Variants in CNTN2 observed in about 807,000 individuals in gnomAD.
CNTN2 encodes the protein contactin-2.
Under a neutral mutation model 117.5 loss-of-function variants are expected in CNTN2, and 53 were observed. The ratio of observed to expected loss-of-function variants is 0.45; its 90% confidence interval spans 0.36 to 0.57. The LOEUF (loss-of-function observed/expected upper bound fraction) is 0.57, where lower values mean the gene tolerates loss of function less well. Ranked by LOEUF, CNTN2 falls within the 20% of genes least tolerant of loss-of-function variation. The pLI is 0.00. For synonymous variants in CNTN2, 530 were observed against 561.7 expected (o/e 0.94, Z 0.80); for missense variants, 1,106 against 1,404.3 (o/e 0.79, Z 3.39).
Position 205,073,471 on chromosome 1 carries a change from AC to A in CNTN2, c.3014-183del. On this transcript the variant is annotated intron_variant, in intron 22 of 22. Coordinates refer to ENST00000331830, the MANE Select transcript of CNTN2 (RefSeq NM_005076.5). This position sits in a 1 kb window ranked among gnomAD's most constrained non-coding sequence, Gnocchi z 6.3. ...CGCAGGGTGCAGGGGGAGGCTGAGG[AC>A]CAACCAGCAATAGCAAACGGCCTAC... 1 of 720,820 alleles carries A rather than the reference AC, an allele frequency of 1.4e-6. No individual in the cohort carries two copies. The highest frequency in any genetic ancestry group is 2.3e-6 in the Non-Finnish European group (1 of 437,284). 44.7% of individuals were successfully genotyped at this position (720,820 alleles called of 1,614,324 possible). A position where few individuals can be genotyped will look rare whatever the true frequency, so the allele number is the denominator to read the frequency against.
intron 1 of CNTN2, among the ~76,000 whole-genome samples, chr1:205,043,978 G>A (rs925328713): frequency 3.3e-5 from 5 of 152,174 alleles, no homozygotes; most frequent in Admixed American, 6.5e-5. Flanking sequence ...ACTGGGACTC[G>A]GGGAGGAGAG....
At chr1:205,051,575 G>A (rs3767287) in intron 1 of CNTN2, among the ~76,000 whole-genome samples, 2,770 of 152,222 alleles carry the variant, frequency 0.018, 50 homozygotes, top group East Asian at 0.043. Flanking sequence ...GTGGATATGA[G>A]GCTGCAGTCG....
intron 7 of CNTN2, chr1:205,060,959 G>A (rs1335109713): frequency 5.2e-6 from 2 of 381,240 alleles, no homozygotes; most frequent in Non-Finnish European, 9.5e-6. Context: ...GGAGAGGGCA[G>A]GCCAGCTTCA....
rs547562063 is a variant in CNTN2 at position 205,054,330 on chromosome 1, C to G, written c.70+1075C>G. On this transcript the variant is annotated intron_variant, in intron 2 of 22. Transcript: ENST00000331830. Reference sequence around the variant, plus strand: ...CTTTCAGACGTTCTCATTCTGTCCTCACTGCTTCCCAGTCCTGCAGCTCAG... The same window carrying G: ...CTTTCAGACGTTCTCATTCTGTCCTGACTGCTTCCCAGTCCTGCAGCTCAG... 3.3e-3 allele frequency among the ~76,000 whole-genome samples: 497 copies of G among 152,338 alleles called. 2 individuals carry two copies. Among genetic ancestry groups the G allele is most frequent in the African/African-American group, 0.011 (458 of 41,568 alleles).
chr1:205,065,810 A>G lies in CNTN2; in HGVS notation c.1717A>G (p.Thr573Ala), dbSNP rs1487090092. The G allele has an allele frequency of 2.0e-6, 3 of 1,530,998 alleles. No individual in the cohort carries two copies. 94.8% of individuals were successfully genotyped at this position (1,530,998 alleles called of 1,614,324 possible). The part of the protein sequence containing the change: ...TNVKETIGDL[T>A]ILNAQLRHGG... Reference sequence around the variant, plus strand: ...GCAGAAGGAGACCATTGGGGATCTGACCATCCTGAACGCCCAGCTGCGCCA... The same window carrying G: ...GCAGAAGGAGACCATTGGGGATCTGGCCATCCTGAACGCCCAGCTGCGCCA... The change falls in exon 14 of 23, where the codon ACC (threonine) becomes GCC (alanine). Residue 573 changes from threonine (T) to alanine (A), a missense_variant. Coordinates refer to ENST00000331830, the MANE Select transcript of CNTN2 (RefSeq NM_005076.5). This position sits in a 1 kb window ranked among gnomAD's most constrained non-coding sequence, Gnocchi z 4.1.
intron 1 of CNTN2, among the ~76,000 whole-genome samples, chr1:205,044,510 G>T (rs2096437967): frequency 6.6e-6 from 1 of 151,974 alleles, no homozygotes; most frequent in Admixed American, 6.6e-5. Context: ...GCATGCCATG[G>T]CCCCAGCCCT....
chr1:205,067,964 A>G (rs1654393118), intron 16 of CNTN2: 1 of 154,868 alleles, frequency 6.5e-6, no homozygotes, highest in African/African-American at 2.4e-5. Context: ...AAGAAAGAAA[A>G]AAAGGAAATC....
rs534940586 is a variant in CNTN2 at position 205,074,828 on chromosome 1, G to A, written c.*1063G>A. 63 of 398,668 alleles carry A rather than the reference G, an allele frequency of 1.6e-4. No individual in the cohort carries two copies. The Admixed American group carries it at 2.4e-3, about 15-fold the overall frequency. The allele number at this position is 398,668 out of a possible 1,614,324, so 24.7% of individuals were successfully genotyped here. A position where few individuals can be genotyped will look rare whatever the true frequency, so the allele number is the denominator to read the frequency against. ...TTGGGAGGTTTCTGGGAAGGGCAGA[G>A]GATAAATGTGGCCCTGCCTGCTCCC... On this transcript the variant is annotated 3_prime_UTR_variant, in exon 23 of 23. Transcript: ENST00000331830.
chr1:205,061,391 ACAC>A lies in CNTN2; in HGVS notation c.946_948del (p.Thr316del). ...GAGGCGGAGAACTCCAAGGGCCGAG[ACAC>A]CGTGCAGGGCCGCATCATCGTGCAG... On this transcript the variant is annotated inframe_deletion, in exon 8 of 23. Coordinates refer to ENST00000331830, the MANE Select transcript of CNTN2 (RefSeq NM_005076.5). This position sits in a 1 kb window ranked among gnomAD's most constrained non-coding sequence, Gnocchi z 4.8. 6.2e-7 allele frequency: 1 copy of A among 1,613,270 alleles called. No homozygotes were observed. The highest frequency in any genetic ancestry group is 8.5e-7 in the Non-Finnish European group (1 of 1,179,666).
chr1:205,062,412 C>T (rs372410577), intron 9 of CNTN2, 28 bp from the exon 10 acceptor site: 5 of 1,598,666 alleles, frequency 3.1e-6, no homozygotes, highest in African/African-American at 2.7e-5. Context: ...GGTCCTGATC[C>T]CCCTGGGCTC....
chr1:205,054,405 A>T (rs2096457761), intron 2 of CNTN2, among the ~76,000 whole-genome samples: 1 of 152,182 alleles, frequency 6.6e-6, no homozygotes, highest in African/African-American at 2.4e-5. Context: ...GGGGCGAGCC[A>T]TCCAGCCCCC....
At chr1:205,066,402 C>T (rs957216616) in intron 14 of CNTN2, 39 bp from the exon 15 acceptor site, 4 of 1,602,284 alleles carry the variant, frequency 2.5e-6, no homozygotes, top group Non-Finnish European at 1.7e-6. Context: ...TTGGAAGCTG[C>T]CCAATTCTGA....
Position 205,058,849 on chromosome 1 carries a change from G to A in CNTN2, c.487+186G>A. ...CTGTCACTTTCCATCGTTGTGCCCT[G>A]CTTCCGCCTTCAAACTGGGTGGCCC... On this transcript the variant is annotated intron_variant, in intron 5 of 22. Transcript: ENST00000331830. This position sits in a 1 kb window ranked among gnomAD's most constrained non-coding sequence, Gnocchi z 4.3. The A allele has an allele frequency of 1.5e-6, 1 of 666,312 alleles. No homozygotes were observed. The highest frequency in any genetic ancestry group is 2.5e-6 in the Non-Finnish European group (1 of 395,086). 41.3% of individuals were successfully genotyped at this position (666,312 alleles called of 1,614,324 possible).
chr1:205,051,509 G>C (rs548744590), intron 1 of CNTN2, among the ~76,000 whole-genome samples: 4 of 152,282 alleles, frequency 2.6e-5, no homozygotes, highest in African/African-American at 9.6e-5. Context: ...CAAGGACAGG[G>C]AGGGGCAGGT....
chr1:205,056,034 G>A (rs1024789856), intron 2 of CNTN2, among the ~76,000 whole-genome samples: 3 of 152,156 alleles, frequency 2.0e-5, no homozygotes, highest in African/African-American at 2.4e-5. Context: ...GCATATGTAC[G>A]AATGTGTGTA....
rs1031591150 is a variant in CNTN2, at chr1:205,064,848, T to C, written c.1519+98T>C. On this transcript the variant is annotated intron_variant, in intron 12 of 22. Transcript: ENST00000331830. The stretch of plus-strand genomic sequence containing the variant: ...TGTGTCCACATTGCTCCTAGTTTGG[T>C]GTCAAGGCCACCCCAGGATTCAGTT... The C allele has an allele frequency of 2.0e-6, 3 of 1,523,462 alleles. No homozygotes were observed. In the African/African-American group the frequency reaches 4.1e-5, roughly 21 times the overall value. 94.4% of individuals were successfully genotyped at this position (1,523,462 alleles called of 1,614,324 possible).
At chr1:205,054,758 C>A (rs2096458376) in intron 2 of CNTN2, among the ~76,000 whole-genome samples, 1 of 152,162 alleles carries the variant, frequency 6.6e-6, no homozygotes, top group East Asian at 1.9e-4. Flanking sequence ...CAGCTCTGGG[C>A]CTTTCTTGCT....
rs1454789692 is a variant in CNTN2, at chr1:205,073,627, C to T, written c.3014-29C>T. ...GGGTGGGGCTAGGGTAGTCCCAGGC[C>T]CAGCTGACTCAGCTTGTGCTGGTTT... On this transcript the variant is annotated intron_variant, in intron 22 of 22. Coordinates refer to ENST00000331830, the MANE Select transcript of CNTN2 (RefSeq NM_005076.5). This position sits in a 1 kb window ranked among gnomAD's most constrained non-coding sequence, Gnocchi z 6.3. The T allele has an allele frequency of 6.2e-7, 1 of 1,603,828 alleles. No individual in the cohort carries two copies. The highest frequency in any genetic ancestry group is 1.1e-5 in the South Asian group (1 of 90,676).
rs751901156 is a variant in CNTN2 at position 205,074,521 on chromosome 1, C to T, written c.*756C>T. On this transcript the variant is annotated 3_prime_UTR_variant, in exon 23 of 23. Transcript: ENST00000331830. The stretch of plus-strand genomic sequence containing the variant: ...ACCCAGGTGACGATGCCCTCTCAGC[C>T]AACACTGCCAACCTGACCCTGTCAT... The T allele has an allele frequency of 2.5e-6, 1 of 398,160 alleles. No homozygotes were observed. The highest frequency in any genetic ancestry group is 4.4e-6 in the Non-Finnish European group (1 of 226,126). The allele number at this position is 398,160 out of a possible 1,614,324, so 24.7% of individuals were successfully genotyped here. A position where few individuals can be genotyped will look rare whatever the true frequency, so the allele number is the denominator to read the frequency against.
Sources: gnomAD v4.1 joint callset for allele counts (sites outside exome capture counted in the v4.1 genomes callset) on GRCh38, gnomAD v4.1.1 for gene constraint, Gnocchi (gnomAD v3.1) non-coding constraint, MANE v1.5 for transcripts, NCBI Gene and HGNC (gene_info 2026-07-23, HGNC 2026-07-21) for gene names.